The following CCNH variants were observed in gnomAD, a reference collection of about 807,000 sequenced individuals.
CCNH encodes the protein cyclin-H.
In CCNH, 31 loss-of-function variants were observed where a neutral mutation model predicts 41.9. The observed-to-expected ratio is 0.74, with a 90% CI of 0.56 to 1.00. The LOEUF is 1.00. CCNH is among the 50% of genes least tolerant of loss of function. The pLI is 0.00. For missense variants in CCNH, 362 were observed against 388.4 expected (o/e 0.93, Z 0.57); for synonymous variants, 138 against 136.1 (o/e 1.01, Z -0.10).
intron 9 of CCNH, chr5:87,338,236 T>C: frequency 7.7e-7 from 1 of 1,305,702 alleles, no homozygotes; most frequent in South Asian, 1.4e-5. Context: ...AAGTGCTGTT[T>C]GTTAGTATGG....
chr5:87,411,406 A>G, intron 1 of CCNH, 60 bp from the exon 2 acceptor site: 1 of 1,514,524 alleles, frequency 6.6e-7, no homozygotes, highest in Non-Finnish European at 8.9e-7. Flanking sequence ...CAATTGTAAA[A>G]CATTTTTCTC....
At chr5:87,371,825 T>C (rs2112479197), downstream of CCNH, among the ~76,000 whole-genome samples, 1 of 152,152 alleles carries the variant, frequency 6.6e-6, no homozygotes, top group East Asian at 1.9e-4. Context: ...ATAGTTTCTT[T>C]AATGTAAATT....
At chr5:87,363,250 AAATT>A (rs878910754) in intron 9 of CCNH, 27 of 1,140,734 alleles carry the variant, frequency 2.4e-5, no homozygotes, top group South Asian at 2.1e-4. Context: ...TTTGGAATAA[AAATT>A]GATTGATTCA....
intron 9 of CCNH, among the ~76,000 whole-genome samples, chr5:87,347,671 T>G (rs1758959101): frequency 6.6e-6 from 1 of 152,016 alleles, no homozygotes; most frequent in African/African-American, 2.4e-5. Flanking sequence ...GTTTTTGAAG[T>G]ACTCAATTTT....
downstream of CCNH, chr5:87,374,459 A>T (rs751821556): frequency 0.016 from 2,691 of 167,628 alleles, 56 homozygotes; most frequent in African/African-American, 0.053. Flanking sequence ...ATATATATAT[A>T]TTTTTTTTTT....
downstream of CCNH, chr5:87,389,587 A>T: frequency 6.3e-7 from 1 of 1,585,372 alleles, no homozygotes; most frequent in Non-Finnish European, 8.7e-7. Flanking sequence ...TAGAGAGTTA[A>T]TAAATAGCTG....
At chr5:87,404,750 C>A in intron 5 of CCNH, 94 bp downstream of exon 5, 1 of 995,684 alleles carries the variant, frequency 1.0e-6, no homozygotes, top group Non-Finnish European at 1.4e-6. Flanking sequence ...CCATCCCAGC[C>A]ACAAAGAATA....
At chr5:87,411,589 A>G (rs1396752005) in intron 1 of CCNH, among the ~76,000 whole-genome samples, 2 of 152,228 alleles carry the variant, frequency 1.3e-5, no homozygotes, top group Non-Finnish European at 2.9e-5. Context: ...TTGCTTCATT[A>G]AAGTATAAAC....
chr5:87,344,132 A>G (rs1758675431), intron 9 of CCNH, among the ~76,000 whole-genome samples: 1 of 152,170 alleles, frequency 6.6e-6, no homozygotes, highest in Non-Finnish European at 1.5e-5. Flanking sequence ...ATCTAGATAG[A>G]ATGAATAAGA....
At chr5:87,398,090 C>A (rs1023191921) in intron 7 of CCNH, among the ~76,000 whole-genome samples, 2 of 152,220 alleles carry the variant, frequency 1.3e-5, no homozygotes, top group Non-Finnish European at 2.9e-5. Flanking sequence ...AACATTACTT[C>A]TCTGTAACCA....
At chr5:87,316,924 C>T (rs915327745), downstream of CCNH, among the ~76,000 whole-genome samples, 32 of 151,844 alleles carry the variant, frequency 2.1e-4, no homozygotes, top group African/African-American at 7.7e-4. Context: ...GCTCTGTTGC[C>T]CAGGCCAGAG....
Position 87,404,853 on chromosome 5 carries a change from G to A in CCNH, c.680C>T (p.Thr227Ile). ...ILSSASRAGI[T>I]MESYLSESLM... ...AAAAACTAATTAATACCTTTCCATAGTAATTCCAGCCCTGGAGGCACTAGA... is the reference window on the plus strand; with the variant it reads ...AAAAACTAATTAATACCTTTCCATAATAATTCCAGCCCTGGAGGCACTAGA... The change falls in exon 5 of 9, where the codon ACT becomes ATT. Residue 227 changes from threonine to isoleucine, a missense_variant. By Grantham distance (89) the Thr-to-Ile change is moderately conservative. Transcript: ENST00000256897. 1.2e-6 allele frequency: 2 copies of A among 1,606,108 alleles called. No homozygotes were observed. The highest frequency in any genetic ancestry group is 1.3e-5 in the African/African-American group (1 of 74,414).
intron 7 of CCNH, among the ~76,000 whole-genome samples, chr5:87,395,418 G>A (rs1379540343): frequency 6.6e-6 from 1 of 152,132 alleles, no homozygotes; most frequent in East Asian, 1.9e-4. Context: ...CCTTGTCCCA[G>A]TTATCTTTAA....
chr5:87,412,589 A>G (rs1338759318), intron 1 of CCNH, 89 bp downstream of exon 1: 1 of 1,538,434 alleles, frequency 6.5e-7, no homozygotes, highest in Admixed American at 1.9e-5. Flanking sequence ...GAAACGACGG[A>G]GCGAGATTGT....
intron 9 of CCNH, among the ~76,000 whole-genome samples, chr5:87,338,437 TTC>T (rs1758139304): frequency 6.8e-6 from 1 of 146,342 alleles, no homozygotes; most frequent in African/African-American, 2.5e-5. Context: ...GTTCAAGCAT[TTC>T]TCGTGCCTCA....
chr5:87,337,843 A>C (rs892669786), intron 9 of CCNH: 1 of 907,602 alleles, frequency 1.1e-6, no homozygotes, highest in Non-Finnish European at 1.6e-6. Context: ...ATACAAATTT[A>C]GGGTGTTTGA....
chr5:87,389,388 T>TA (rs760483907), downstream of CCNH: 13 of 1,613,906 alleles, frequency 8.1e-6, no homozygotes, highest in Non-Finnish European at 1.1e-5. Flanking sequence ...ACGATTCCCT[T>TA]AAAGAATGTA....
At chr5:87,374,132 A>AAT (rs145638178), downstream of CCNH, 2,533 of 1,210,332 alleles carry the variant, frequency 2.1e-3, 13 homozygotes, top group African/African-American at 0.024. Flanking sequence ...AATCTGGGGT[A>AAT]ATATATATAT....
intron 9 of CCNH, among the ~76,000 whole-genome samples, chr5:87,319,798 C>T (rs1034800119): frequency 9.9e-5 from 15 of 152,206 alleles, no homozygotes; most frequent in African/African-American, 3.6e-4. Flanking sequence ...TAAATTTCTA[C>T]CACTGGCTTG....
Sources: allele counts gnomAD v4.1 joint callset (sites outside exome capture counted in the v4.1 genomes callset), GRCh38; gene constraint gnomAD v4.1.1; transcripts MANE v1.5; gene names NCBI Gene and HGNC (gene_info 2026-07-23, HGNC 2026-07-21).